PLAAT1: variants seen among roughly 807,000 people sequenced by gnomAD.
PLAAT1 encodes phospholipase A and acyltransferase 1.
In PLAAT1, 13 loss-of-function variants were observed where a neutral mutation model predicts 16.4. The observed-to-expected ratio is 0.79, with a 90% CI of 0.52 to 1.26. PLAAT1 has a LOEUF of 1.26. Among genes scored for constraint, PLAAT1 ranks in the 50% most tolerant of loss-of-function variants. The pLI is 0.00. For missense variants in PLAAT1, 218 were observed against 207.8 expected, an observed-to-expected ratio of 1.05 and a Z score of -0.30; for synonymous variants, 73 against 78.4, an observed-to-expected ratio of 0.93 and a Z score of 0.36.
chr3:193,240,687 T>TGTGTGTGTG (rs1277878870), upstream of PLAAT1, among the ~76,000 whole-genome samples: 2 of 46,076 alleles, frequency 4.3e-5, no homozygotes, highest in African/African-American at 8.5e-5. Flanking sequence ...GTGTGTGTGG[T>TGTGTGTGTG]TGGAGGTCTC....
chr3:193,249,344 T>C (rs112155292), intron 1 of PLAAT1, among the ~76,000 whole-genome samples: 10 of 152,232 alleles, frequency 6.6e-5, no homozygotes, highest in African/African-American at 2.4e-4. Context: ...TTTCCTTCCC[T>C]ACACTTAGGA....
At chr3:193,268,206 A>G (rs1358605701) in intron 3 of PLAAT1, among the ~76,000 whole-genome samples, 2 of 152,222 alleles carry the variant, frequency 1.3e-5, no homozygotes, top group Admixed American at 6.5e-5. Flanking sequence ...AAATATCTCT[A>G]TCTTTGTCAA....
At chr3:193,277,998 T>C (rs1717301779), downstream of PLAAT1, among the ~76,000 whole-genome samples, 1 of 152,092 alleles carries the variant, frequency 6.6e-6, no homozygotes, top group African/African-American at 2.4e-5. Flanking sequence ...GAGACGGGGT[T>C]TTACCATGTT....
intron 2 of PLAAT1, among the ~76,000 whole-genome samples, chr3:193,257,218 C>T (rs6799170): frequency 0.45 from 67,860 of 151,934 alleles, 15,733 homozygotes; most frequent in Admixed American, 0.53. Flanking sequence ...ACTCCAATCA[C>T]TCCAGTGTGA....
downstream of PLAAT1, among the ~76,000 whole-genome samples, chr3:193,272,334 T>C (rs1717007698): frequency 6.6e-6 from 1 of 151,956 alleles, no homozygotes; most frequent in African/African-American, 2.4e-5. Context: ...TCCCAGCTAC[T>C]CAGGAGGCTG....
chr3:193,249,813 A>T (rs1716127391), intron 1 of PLAAT1, among the ~76,000 whole-genome samples: 1 of 151,638 alleles, frequency 6.6e-6, no homozygotes, highest in Non-Finnish European at 1.5e-5. Context: ...CATTTCAGTT[A>T]TATTATTATT....
At chr3:193,240,654 C>CAT (rs1553803499), upstream of PLAAT1, among the ~76,000 whole-genome samples, 1 of 88,502 alleles carries the variant, frequency 1.1e-5, no homozygotes, top group Non-Finnish European at 2.2e-5. Flanking sequence ...GGCTATCTGG[C>CAT]GTGTGTGTGT....
intron 1 of PLAAT1, among the ~76,000 whole-genome samples, chr3:193,246,375 T>C (rs1424436436): frequency 6.6e-6 from 1 of 152,122 alleles, no homozygotes; most frequent in Non-Finnish European, 1.5e-5. Flanking sequence ...ATTTATTTAT[T>C]TATTTTTGAG....
chr3:193,262,516 T>C (rs1437770384), intron 2 of PLAAT1, among the ~76,000 whole-genome samples: 1 of 152,034 alleles, frequency 6.6e-6, no homozygotes, highest in African/African-American at 2.4e-5. Context: ...GGAGCTTAGA[T>C]ACTAGGATGA....
At chr3:193,274,872 G>A, downstream of PLAAT1, 1 of 864,292 alleles carries the variant, frequency 1.2e-6, no homozygotes, top group Non-Finnish European at 1.8e-6. Context: ...CATACAGTCA[G>A]AATAAGCCTA....
At chr3:193,262,453 GA>G (rs1716619591) in intron 2 of PLAAT1, among the ~76,000 whole-genome samples, 1 of 151,398 alleles carries the variant, frequency 6.6e-6, no homozygotes, top group Non-Finnish European at 1.5e-5. Flanking sequence ...TTCGGAATAG[GA>G]AATTGGACCC....
chr3:193,248,475 G>C (rs1426484149), intron 1 of PLAAT1, among the ~76,000 whole-genome samples: 1 of 151,940 alleles, frequency 6.6e-6, no homozygotes, highest in Non-Finnish European at 1.5e-5. Flanking sequence ...TTAATTTGTA[G>C]ATCTTTTGTT....
intron 1 of PLAAT1, among the ~76,000 whole-genome samples, chr3:193,245,082 G>C (rs965057064): frequency 6.6e-6 from 1 of 152,154 alleles, no homozygotes; most frequent in Admixed American, 6.5e-5. Context: ...TAACAGTCTT[G>C]AAATATGCAG....
downstream of PLAAT1, among the ~76,000 whole-genome samples, chr3:193,272,399 T>A (rs1717010383): frequency 6.6e-6 from 1 of 151,896 alleles, no homozygotes; most frequent in Admixed American, 6.6e-5. Flanking sequence ...CCGAGATCAC[T>A]CCACTGCACT....
Position 193,241,281 on chromosome 3 carries a change from C to G in PLAAT1, c.-253C>G. The G allele has an allele frequency of 8.1e-7, 1 of 1,230,082 alleles. No homozygotes were observed. Among genetic ancestry groups the G allele is most frequent in the Non-Finnish European group, 1.0e-6 (1 of 986,926 alleles). The allele number at this position is 1,230,082 out of a possible 1,614,324, so 76.2% of individuals were successfully genotyped here. A position where few individuals can be genotyped will look rare whatever the true frequency, so the allele number is the denominator to read the frequency against. Reference sequence around the variant, plus strand: ...CGCCGAGCCCAGCGCGTCGGCCCCCCGGCGTGCGGGCGTCTCAGAGCCGCG... The same window carrying G: ...CGCCGAGCCCAGCGCGTCGGCCCCCGGGCGTGCGGGCGTCTCAGAGCCGCG... On this transcript the variant is annotated 5_prime_UTR_variant, in exon 1 of 4. Coordinates refer to ENST00000264735, the MANE Select transcript of PLAAT1 (RefSeq NM_020386.5).
At position 193,241,517 on chromosome 3, in the gene PLAAT1, C is replaced by A; in HGVS notation, c.-17C>A. On this transcript the variant is annotated 5_prime_UTR_variant, in exon 1 of 4. Coordinates refer to ENST00000264735, the MANE Select transcript of PLAAT1 (RefSeq NM_020386.5). ...CTGCCTCCCGGTGCGAGAAGAAGACCCCGGCTTGAGAGTGAGGTGTGCTGG... is the reference window on the plus strand; with the variant it reads ...CTGCCTCCCGGTGCGAGAAGAAGACACCGGCTTGAGAGTGAGGTGTGCTGG... 1 of 1,231,924 alleles carries A rather than the reference C, an allele frequency of 8.1e-7. No homozygotes were observed. Among genetic ancestry groups the A allele is most frequent in the Non-Finnish European group, 1.0e-6 (1 of 988,140 alleles). 76.3% of individuals were successfully genotyped at this position (1,231,924 alleles called of 1,614,324 possible).
downstream of PLAAT1, among the ~76,000 whole-genome samples, chr3:193,280,310 C>T (rs1458921787): frequency 6.6e-6 from 1 of 152,142 alleles, no homozygotes; most frequent in African/African-American, 2.4e-5. Flanking sequence ...CCTCGGCCTC[C>T]CAAAGTGCTA....
intron 2 of PLAAT1, among the ~76,000 whole-genome samples, chr3:193,259,753 A>G (rs1484449638): frequency 1.3e-5 from 2 of 152,240 alleles, no homozygotes; most frequent in Admixed American, 1.3e-4. Flanking sequence ...AAAACATTCC[A>G]TGCTCACGGA....
At chr3:193,254,449 T>C (rs1043842052) in intron 1 of PLAAT1, among the ~76,000 whole-genome samples, 23 of 152,184 alleles carry the variant, frequency 1.5e-4, no homozygotes, top group Non-Finnish European at 1.0e-4. Context: ...AACACCCTGT[T>C]GTCAATTAGA....
Sources: allele counts gnomAD v4.1 joint callset (sites outside exome capture counted in the v4.1 genomes callset), GRCh38; gene constraint gnomAD v4.1.1; transcripts MANE v1.5; gene names NCBI Gene and HGNC (gene_info 2026-07-23, HGNC 2026-07-21).